The following F8 variants were observed in gnomAD, a reference collection of about 807,000 sequenced individuals.
The protein encoded by F8 is coagulation factor VIII, also known as antihemophilic factor.
A neutral mutation model predicts 140.6 loss-of-function variants in F8; 12 were observed. That is an observed-to-expected ratio of 0.09 (90% CI 0.05 to 0.14). The LOEUF (loss-of-function observed/expected upper bound fraction) is 0.14, where lower values mean the gene tolerates loss of function less well. F8 is among the 10% of genes least tolerant of loss of function. The pLI is 1.00. For missense variants in F8, 1,354 were observed against 1,720.7 expected (o/e 0.79, Z 3.77); for synonymous variants, 585 against 614.6 (o/e 0.95, Z 0.71).
At position 154,928,844 on chromosome X, in the gene F8, C is replaced by A; in HGVS notation, c.4946G>T (p.Gly1649Val). 2.5e-6 allele frequency: 3 copies of A among 1,211,853 alleles called. No homozygotes were observed. The highest frequency in any genetic ancestry group is 3.3e-6 in the Non-Finnish European group (3 of 895,532). Reference protein sequence around the residue: ...PEIEVTWAKQGRTERLCSQNP... With the variant: ...PEIEVTWAKQVRTERLCSQNP... ...TTGAGAGCACAGCCTTTCAGTCCTACCTTGCTTTGCCCAGGTGACTTCTAT... is the reference window on the plus strand; with the variant it reads ...TTGAGAGCACAGCCTTTCAGTCCTAACTTGCTTTGCCCAGGTGACTTCTAT... The change falls in exon 14 of 26, where the codon GGT (glycine) becomes GTT (valine). Residue 1649 changes from glycine to valine, a missense_variant. Gly to Val is a moderately radical substitution (Grantham distance 109, BLOSUM62 -3). Around this residue, in one of 4 missense-constraint regions of F8, gnomAD observed 658 missense variants for 666.5 expected, o/e 0.99. Coordinates refer to ENST00000360256, the MANE Select transcript of F8 (RefSeq NM_000132.4).
intron 22 of F8, among the ~76,000 whole-genome samples, chrX:154,876,147 TCTCG>T (rs2072811485): frequency 2.1e-5 from 2 of 93,385 alleles, no homozygotes; most frequent in South Asian, 1.1e-3. Context: ...TGAGACGGAG[TCTCG>T]CTCTGTCGCC....
chrX:154,995,559 A>G (rs1259993978), intron 3 of F8, among the ~76,000 whole-genome samples: 1 of 112,230 alleles, frequency 8.9e-6, no homozygotes, highest in Admixed American at 9.5e-5. Flanking sequence ...GAACTTGGCC[A>G]AATCTGAGAT....
chrX:154,998,339 C>T (rs1038884187), intron 2 of F8, among the ~76,000 whole-genome samples: 51 of 113,235 alleles, frequency 4.5e-4, no homozygotes, highest in Non-Finnish European at 7.7e-4. Context: ...TAATCTTCCT[C>T]CCCAACTCAC....
chrX:154,841,566 A>T (rs1396399754), intron 25 of F8, among the ~76,000 whole-genome samples: 1 of 111,126 alleles, frequency 9.0e-6, no homozygotes. Context: ...GAAAAATTTT[A>T]AAAATTCTAA....
At chrX:155,019,987 T>G (rs1402600233) in intron 1 of F8, among the ~76,000 whole-genome samples, 3 of 111,971 alleles carry the variant, frequency 2.7e-5, no homozygotes, top group African/African-American at 6.5e-5. Context: ...TTTAATGAAA[T>G]TGCAGTTAGA....
intron 24 of F8, among the ~76,000 whole-genome samples, chrX:154,860,855 T>C (rs2072685707): frequency 9.0e-6 from 1 of 110,582 alleles, no homozygotes; most frequent in African/African-American, 3.3e-5. Context: ...CCCACCACCA[T>C]GTCCAGATAA....
chrX:155,022,565 C>T lies in F8; in HGVS notation c.-13G>A. The T allele has an allele frequency of 8.3e-7, 1 of 1,211,875 alleles. No homozygotes were observed. The highest frequency in any genetic ancestry group is 1.1e-6 in the Non-Finnish European group (1 of 895,501). On this transcript the variant is annotated 5_prime_UTR_variant, in exon 1 of 26. Transcript: ENST00000360256. ...GCTCTATTTGCATGACTTATTGCTACAAATGTTCAACTGGAGAAGCAAAAG... is the reference window on the plus strand; with the variant it reads ...GCTCTATTTGCATGACTTATTGCTATAAATGTTCAACTGGAGAAGCAAAAG...
chrX:154,902,150 C>T lies in F8; in HGVS notation c.6016G>A (p.Glu2006Lys), dbSNP rs267606791. Residue 2006 changes from glutamate (E) to lysine (K), a missense_variant, in exon 19 of 26, where the codon GAA becomes AAA. Around this residue, in one of 4 missense-constraint regions of F8, gnomAD observed 316 missense variants for 485.4 expected, o/e 0.65. Transcript: ENST00000360256. ...NLYPGVFETV[E>K]MLPSKAGIWR... is the part of the protein sequence containing the mutation. ...ATTCCAGCTTTGGATGGTAACATTT[C>T]CACTGTCTCAAAAACACCTTATAAA... is the stretch of plus-strand genomic sequence containing the variant. 8.3e-7 allele frequency: 1 copy of T among 1,202,564 alleles called. No homozygotes were observed. Among genetic ancestry groups the T allele is most frequent in the Non-Finnish European group, 1.1e-6 (1 of 887,105 alleles).
rs1282794995 is a variant in F8 at position 154,842,618 on chromosome X, A to G, written c.6901-4866T>C. Among the ~76,000 whole-genome samples, 3 of 112,149 alleles carry G rather than the reference A, an allele frequency of 2.7e-5. No homozygotes were observed. The East Asian group carries it at 8.3e-4, about 31-fold the overall frequency. ...AAAGTATAGTTCTTGATTCTAACAT[A>G]GGAAGATTTTATAGTTATCTTTCTT... On this transcript the variant is annotated intron_variant, in intron 25 of 25. Transcript: ENST00000360256.
intron 13 of F8, among the ~76,000 whole-genome samples, chrX:154,932,873 A>G (rs1357379592): frequency 9.0e-6 from 1 of 111,241 alleles, no homozygotes; most frequent in East Asian, 2.8e-4. Context: ...GTCAATCTGT[A>G]AGCAAAAAGG....
Position 154,983,866 on chromosome X carries a change from G to C in F8, c.787+821C>G, listed in dbSNP as rs782265368. On this transcript the variant is annotated intron_variant, in intron 6 of 25. Transcript: ENST00000360256. ...CTTCCTCCCTCATTTGTCTCTGCCT[G>C]TACTCTGGGATATTTCTGCCTTCAG... 1.8e-4 allele frequency among the ~76,000 whole-genome samples: 20 copies of C among 112,271 alleles called. 1 individual carries two copies. The highest frequency in any genetic ancestry group is 1.2e-3 in the Admixed American group (13 of 10,594).
At chrX:154,852,585 C>T (rs1438469776) in intron 25 of F8, among the ~76,000 whole-genome samples, 1 of 111,552 alleles carries the variant, frequency 9.0e-6, no homozygotes, top group Admixed American at 9.6e-5. Context: ...TATGTAAGTA[C>T]TGCCCTGTTT....
intron 6 of F8, among the ~76,000 whole-genome samples, chrX:154,972,135 C>T (rs1230019492): frequency 1.8e-5 from 2 of 112,026 alleles, no homozygotes; most frequent in Non-Finnish European, 3.8e-5. Flanking sequence ...AATTTATATT[C>T]CCACCAACAG....
At chrX:154,894,837 C>G (rs1306534469) in intron 22 of F8, among the ~76,000 whole-genome samples, 6 of 110,051 alleles carry the variant, frequency 5.5e-5, no homozygotes, top group Non-Finnish European at 1.1e-4. Context: ...ACCCCAGATT[C>G]TGTCCTAGCT....
chrX:154,929,591 G>C lies in F8; in HGVS notation c.4199C>G (p.Pro1400Arg). 2 of 1,211,163 alleles carry C rather than the reference G, an allele frequency of 1.7e-6. No individual in the cohort carries two copies. The highest frequency in any genetic ancestry group is 3.0e-5 in the East Asian group (1 of 33,828). The part of the protein sequence containing the change: ...SDCLTRSHSI[P>R]QANRSPLPIA... Reference sequence around the variant, plus strand: ...GGGTAATGGAGATCTATTTGCTTGAGGGATGCTATGACTCCTCGTAAGGCA... The same window carrying C: ...GGGTAATGGAGATCTATTTGCTTGACGGATGCTATGACTCCTCGTAAGGCA... Residue 1400 changes from proline (P) to arginine (R), a missense_variant, in exon 14 of 26, where the codon CCT becomes CGT. Pro to Arg is a moderately radical substitution (Grantham distance 103, BLOSUM62 -2). This residue lies in a region of F8 where 658 missense variants were observed against 666.5 expected (regional missense o/e 0.99). Transcript: ENST00000360256.
chrX:154,898,415 T>G (rs2072993853), intron 21 of F8, among the ~76,000 whole-genome samples: 1 of 112,305 alleles, frequency 8.9e-6, no homozygotes, highest in African/African-American at 3.2e-5. Flanking sequence ...TGTAACTGGT[T>G]TAATTACCAC....
intron 14 of F8, among the ~76,000 whole-genome samples, chrX:154,920,814 T>G (rs781933554): frequency 8.9e-6 from 1 of 112,263 alleles, no homozygotes; most frequent in Non-Finnish European, 1.9e-5. Context: ...CTTAACACAT[T>G]ATTATAGCTT....
chrX:154,961,188 C>G lies in F8; in HGVS notation c.1444-20G>C, dbSNP rs1464889403. On this transcript the variant is annotated intron_variant, in intron 9 of 25. Coordinates refer to ENST00000360256, the MANE Select transcript of F8 (RefSeq NM_000132.4). ...TATAATCTGAAAGTATAAGCGAGAT[C>G]TAAGATCAAATCCTAAAACGACTAG... 3.9e-6 allele frequency: 4 copies of G among 1,017,569 alleles called. No homozygotes were observed. The highest frequency in any genetic ancestry group is 5.5e-6 in the Non-Finnish European group (4 of 722,571). 83.9% of individuals were successfully genotyped at this position (1,017,569 alleles called of 1,213,427 possible).
chrX:154,843,198 T>C (rs1569559222), intron 25 of F8, among the ~76,000 whole-genome samples: 1 of 112,113 alleles, frequency 8.9e-6, no homozygotes, highest in Non-Finnish European at 1.9e-5. Flanking sequence ...CTATCATTGA[T>C]GGACATTTGG....
Sources: allele counts gnomAD v4.1 joint callset (sites outside exome capture counted in the v4.1 genomes callset), GRCh38; gene constraint gnomAD v4.1.1; regional missense constraint gnomAD v4.1.1; transcripts MANE v1.5; gene names NCBI Gene and HGNC (gene_info 2026-07-23, HGNC 2026-07-21).